The following ZNF574 variants were observed in gnomAD, a reference collection of about 807,000 sequenced individuals.
ZNF574 encodes zinc finger protein 574.
Under a neutral mutation model 56.6 loss-of-function variants are expected in ZNF574, and 25 were observed. The observed-to-expected ratio is 0.44, with a 90% confidence interval of 0.32 to 0.62. The LOEUF is 0.62. ZNF574 is among the 20% of genes least tolerant of loss of function. The pLI is 0.04. For missense variants in ZNF574, 1,065 were observed against 1,218.9 expected, an observed-to-expected ratio of 0.87 and a Z score of 1.88; for synonymous variants, 543 against 492.1, an observed-to-expected ratio of 1.10 and a Z score of -1.37.
At position 42,080,916 on chromosome 19, in the gene ZNF574, C is replaced by T; in HGVS notation, c.2310C>T (p.Asp770=). 1.2e-6 allele frequency: 2 copies of T among 1,613,912 alleles called. No individual in the cohort carries two copies. Among genetic ancestry groups the T allele is most frequent in the Non-Finnish European group, 1.7e-6 (2 of 1,179,966 alleles). The change falls in exon 2 of 2, where the codon GAC becomes GAT. Residue 770 remains aspartate, a synonymous_variant. Coordinates refer to ENST00000359044, the MANE Select transcript of ZNF574 (RefSeq NM_022752.6). The surrounding 1 kb of genome is among the most constrained non-coding windows in gnomAD (Gnocchi z 8.5). ...GTGAGCGGCCATACCCATGTCCAGA[C>T]TGTGGCAAAGCGTTCCGTCAGAGTA... ...HTGERPYPCP[D]CGKAFRQSTH...
At chr19:42,077,974 G>T (rs1033591139) in intron 1 of ZNF574, among the ~76,000 whole-genome samples, 1 of 152,128 alleles carries the variant, frequency 6.6e-6, no homozygotes, top group Non-Finnish European at 1.5e-5. Flanking sequence ...ACCTGAGGAA[G>T]AGTTGGTGGG....
chr19:42,072,131 T>C (rs1301064586), upstream of ZNF574, among the ~76,000 whole-genome samples: 1 of 151,966 alleles, frequency 6.6e-6, no homozygotes, highest in Non-Finnish European at 1.5e-5. Flanking sequence ...TATTCCTATA[T>C]GATCTGGAGA....
Position 42,080,848 on chromosome 19 carries a change from A to G in ZNF574, c.2242A>G (p.Ser748Gly). ...GTGCAGCGAGTGCAAGAAGCTGTTC[A>G]GCACAGAGACGTCACTGCAGGTGCA... Reference protein sequence around the residue: ...LECSECKKLFSTETSLQVHRR... With the variant: ...LECSECKKLFGTETSLQVHRR... The change falls in exon 2 of 2, where the codon AGC (serine) becomes GGC (glycine). Residue 748 changes from serine to glycine, a missense_variant. Ser to Gly is a moderately conservative substitution (Grantham distance 56). Transcript: ENST00000359044. The surrounding 1 kb of genome is among the most constrained non-coding windows in gnomAD (Gnocchi z 8.5). The G allele has an allele frequency of 1.2e-6, 2 of 1,614,138 alleles. No homozygotes were observed. The highest frequency in any genetic ancestry group is 1.7e-6 in the Non-Finnish European group (2 of 1,180,034).
At chr19:42,072,523 A>T (rs961135437), upstream of ZNF574, among the ~76,000 whole-genome samples, 2 of 151,162 alleles carry the variant, frequency 1.3e-5, no homozygotes, top group Non-Finnish European at 2.9e-5. Context: ...GGCGCAAGCC[A>T]CTGCACCCGG....
At position 42,079,809 on chromosome 19, in the gene ZNF574, C is replaced by T. The variant is rs1474190999; in HGVS notation, c.1203C>T (p.Val401=). The T allele has an allele frequency of 8.7e-6, 14 of 1,614,228 alleles. No individual in the cohort carries two copies. Among genetic ancestry groups the T allele is most frequent in the Non-Finnish European group, 1.1e-5 (13 of 1,180,038 alleles). The change falls in exon 2 of 2, where the codon GTC becomes GTT. Residue 401 remains valine, a synonymous_variant. Transcript: ENST00000359044. This position sits in a 1 kb window ranked among gnomAD's most constrained non-coding sequence, Gnocchi z 4.3. The part of the protein sequence containing the change: ...LHSCPCGKTF[V]NLTKFLYHRR... The stretch of plus-strand genomic sequence containing the variant: ...CATGTCCATGTGGGAAGACCTTTGT[C>T]AACCTTACCAAGTTCCTTTATCACC...
At chr19:42,076,615 A>G (rs542895967) in intron 1 of ZNF574, among the ~76,000 whole-genome samples, 1 of 152,238 alleles carries the variant, frequency 6.6e-6, no homozygotes, top group Admixed American at 6.5e-5. Flanking sequence ...TTTGGGGTAA[A>G]GGACTTGGTG....
upstream of ZNF574, among the ~76,000 whole-genome samples, chr19:42,071,776 G>A (rs1171484059): frequency 2.0e-5 from 3 of 152,140 alleles, no homozygotes; most frequent in Non-Finnish European, 4.4e-5. Context: ...GGCCGGGGCA[G>A]GTGGACCACC....
intron 1 of ZNF574, among the ~76,000 whole-genome samples, chr19:42,077,046 T>A (rs2076461254): frequency 6.6e-6 from 1 of 151,614 alleles, no homozygotes; most frequent in Non-Finnish European, 1.5e-5. Flanking sequence ...AAGATGGGAT[T>A]TGGTTATTGG....
upstream of ZNF574, among the ~76,000 whole-genome samples, chr19:42,073,145 A>G (rs2076435321): frequency 6.6e-6 from 1 of 152,200 alleles, no homozygotes. Flanking sequence ...CCTGGGGGCC[A>G]AGAATGTAGA....
At position 42,081,522 on chromosome 19, in the gene ZNF574, G is replaced by A. The variant is rs2076502505; in HGVS notation, c.*225G>A. 1.6e-6 allele frequency: 1 copy of A among 618,532 alleles called. No homozygotes were observed. Among genetic ancestry groups the A allele is most frequent in the Non-Finnish European group, 2.9e-6 (1 of 340,884 alleles). The allele number at this position is 618,532 out of a possible 1,614,324, so 38.3% of individuals were successfully genotyped here. ...TCTTAGCACTGGTGACCCCAAAAAT[G>A]AAACCATCAATAAAGACTGAGTTGC... On this transcript the variant is annotated 3_prime_UTR_variant, in exon 2 of 2. Coordinates refer to ENST00000359044, the MANE Select transcript of ZNF574 (RefSeq NM_022752.6).
upstream of ZNF574, among the ~76,000 whole-genome samples, chr19:42,075,903 A>G (rs2076451855): frequency 6.6e-6 from 1 of 152,116 alleles, no homozygotes; most frequent in Non-Finnish European, 1.5e-5. Context: ...GGAGTCGAGG[A>G]GGAGGAGGAG....
chr19:42,081,345 C>T lies in ZNF574; in HGVS notation c.*48C>T, dbSNP rs905778208. On this transcript the variant is annotated 3_prime_UTR_variant, in exon 2 of 2. Coordinates refer to ENST00000359044, the MANE Select transcript of ZNF574 (RefSeq NM_022752.6). Reference sequence around the variant, plus strand: ...CACCTCCATTCCCTGTTGCTGAAGGCCCTCCAGCATCCCCTTAAGCATCTG... The same window carrying T: ...CACCTCCATTCCCTGTTGCTGAAGGTCCTCCAGCATCCCCTTAAGCATCTG... 1.9e-6 allele frequency: 3 copies of T among 1,602,680 alleles called. No homozygotes were observed. In the Admixed American group the frequency reaches 5.0e-5, roughly 27 times the overall value.
At chr19:42,078,420 G>C (rs765706389) in intron 1 of ZNF574, among the ~76,000 whole-genome samples, 167 bp from the exon 2 acceptor site, 1 of 152,130 alleles carries the variant, frequency 6.6e-6, no homozygotes, top group Non-Finnish European at 1.5e-5. Flanking sequence ...TTTGGTGTTT[G>C]TTATGCTGAG....
Position 42,080,908 on chromosome 19 carries a change from T to C in ZNF574, c.2302T>C (p.Cys768Arg). 2 of 1,614,096 alleles carry C rather than the reference T, an allele frequency of 1.2e-6. No homozygotes were observed. The highest frequency in any genetic ancestry group is 8.5e-7 in the Non-Finnish European group (1 of 1,180,022). Residue 768 changes from cysteine to arginine, a missense_variant, in exon 2 of 2, where the codon TGT becomes CGT. Physicochemically the swap from Cys to Arg is radical, Grantham distance 180. Transcript: ENST00000359044. This position sits in a 1 kb window ranked among gnomAD's most constrained non-coding sequence, Gnocchi z 8.5. ...CCACACAGGTGAGCGGCCATACCCA[T>C]GTCCAGACTGTGGCAAAGCGTTCCG... ...RIHTGERPYP[C>R]PDCGKAFRQS...
At chr19:42,076,491 G>A (rs1414873688) in intron 1 of ZNF574, among the ~76,000 whole-genome samples, 6 of 151,578 alleles carry the variant, frequency 4.0e-5, no homozygotes, top group Admixed American at 3.9e-4. Context: ...GCCTGGAGTC[G>A]CGTGCGGGGC....
At position 42,078,627 on chromosome 19, in the gene ZNF574, G is replaced by C; in HGVS notation, c.21G>C (p.Glu7Asp). ...CCGCCATGACTGAGGAATCAGAGGAGACAGTCCTGTACATTGAGCACCGCT... is the reference window on the plus strand; with the variant it reads ...CCGCCATGACTGAGGAATCAGAGGACACAGTCCTGTACATTGAGCACCGCT... Reference protein sequence around the residue: MTEESEETVLYIEHRYV... With the variant: MTEESEDTVLYIEHRYV... The change falls in exon 2 of 2, where the codon GAG becomes GAC. Residue 7 changes from glutamate (E) to aspartate (D), a missense_variant. Coordinates refer to ENST00000359044, the MANE Select transcript of ZNF574 (RefSeq NM_022752.6). The C allele has an allele frequency of 1.9e-6, 3 of 1,612,978 alleles. No individual in the cohort carries two copies. The highest frequency in any genetic ancestry group is 2.5e-6 in the Non-Finnish European group (3 of 1,179,216).
chr19:42,079,929 G>T lies in ZNF574; in HGVS notation c.1323G>T (p.Glu441Asp). 6.2e-7 allele frequency: 1 copy of T among 1,613,894 alleles called. No homozygotes were observed. ...GTTTCCCTGAGCCAGCCCCAGCAGAGACTGGAGAGCCAGAGGCCCCTGAGC... is the reference window on the plus strand; with the variant it reads ...GTTTCCCTGAGCCAGCCCCAGCAGATACTGGAGAGCCAGAGGCCCCTGAGC... ...VIGFPEPAPAETGEPEAPEPP... is the reference protein window; with the variant it reads ...VIGFPEPAPADTGEPEAPEPP... Residue 441 changes from glutamate (E) to aspartate (D), a missense_variant, in exon 2 of 2, where the codon GAG becomes GAT. Glu to Asp is a conservative substitution (Grantham distance 45). Transcript: ENST00000359044. The surrounding 1 kb of genome is among the most constrained non-coding windows in gnomAD (Gnocchi z 4.3).
chr19:42,081,483 C>T lies in ZNF574; in HGVS notation c.*186C>T. 1.4e-6 allele frequency: 1 copy of T among 736,872 alleles called. No homozygotes were observed. Among genetic ancestry groups the T allele is most frequent in the South Asian group, 1.8e-5 (1 of 56,826 alleles). 45.6% of individuals were successfully genotyped at this position (736,872 alleles called of 1,614,324 possible). A position where few individuals can be genotyped will look rare whatever the true frequency, so the allele number is the denominator to read the frequency against. On this transcript the variant is annotated 3_prime_UTR_variant, in exon 2 of 2. Coordinates refer to ENST00000359044, the MANE Select transcript of ZNF574 (RefSeq NM_022752.6). The stretch of plus-strand genomic sequence containing the variant: ...GTCCTTGACACACATAAAGGTGCCC[C>T]CCCACCTTCCACCTCTTAGCACTGG...
At chr19:42,069,697 G>C (rs1291191094) in intron 1 of ZNF574, among the ~76,000 whole-genome samples, 1 of 149,930 alleles carries the variant, frequency 6.7e-6, no homozygotes, top group Non-Finnish European at 1.5e-5. Flanking sequence ...AAAGGAAGCC[G>C]GCCATCAGGA....
Sources: allele counts gnomAD v4.1 joint callset (sites outside exome capture counted in the v4.1 genomes callset), GRCh38; gene constraint gnomAD v4.1.1; non-coding constraint Gnocchi (gnomAD v3.1); transcripts MANE v1.5; gene names NCBI Gene and HGNC (gene_info 2026-07-23, HGNC 2026-07-21).